TCEANC2: variants seen among roughly 807,000 people sequenced by gnomAD.
The protein encoded by TCEANC2 is transcription elongation factor A N-terminal and central domain-containing protein 2.
In TCEANC2, 20 loss-of-function variants were observed where a neutral mutation model predicts 22.8. That is an observed-to-expected ratio of 0.88 (90% confidence interval 0.62 to 1.28). TCEANC2 has a LOEUF of 1.28. Ranked by LOEUF, TCEANC2 falls within the 50% of genes most tolerant of loss-of-function variation. The pLI, the probability that TCEANC2 is intolerant of heterozygous loss-of-function variation, is 0.00. For synonymous variants in TCEANC2, 84 were observed against 95.5 expected (o/e 0.88, Z 0.70); for missense variants, 251 against 249.7 (o/e 1.01, Z -0.03).
At chr1:54,071,635 C>T (rs1658056933) in intron 3 of TCEANC2, among the ~76,000 whole-genome samples, 1 of 152,040 alleles carries the variant, frequency 6.6e-6, no homozygotes, top group African/African-American at 2.4e-5. Flanking sequence ...AGACCAACGC[C>T]GATACAGTTT....
rs569179457 is a variant in TCEANC2, at chr1:54,096,399, C to A, written c.553C>A (p.Arg185=). ...VRALVFTLKH[R]AEIRAQVKSG... is the part of the protein sequence containing the mutation. ...AGCCCTGGTCTTCACATTAAAGCAC[C>A]GAGCTGAAATCCGGGCTCAGGTGAA... Residue 185 remains arginine (R), a synonymous_variant, in exon 5 of 5, where the codon CGA becomes AGA. Transcript: ENST00000234827. The surrounding 1 kb of genome is among the most constrained non-coding windows in gnomAD (Gnocchi z 4.9). 2.5e-6 allele frequency: 4 copies of A among 1,613,598 alleles called. No homozygotes were observed. Among genetic ancestry groups the A allele is most frequent in the East Asian group, 2.2e-5 (1 of 44,862 alleles).
At chr1:54,090,831 G>T (rs910328832) in intron 4 of TCEANC2, among the ~76,000 whole-genome samples, 6 of 152,138 alleles carry the variant, frequency 3.9e-5, no homozygotes, top group Non-Finnish European at 5.9e-5. Flanking sequence ...TAATGTGGTG[G>T]TAAATACCAA....
At chr1:54,091,545 C>G (rs992464265) in intron 4 of TCEANC2, among the ~76,000 whole-genome samples, 6 of 152,194 alleles carry the variant, frequency 3.9e-5, no homozygotes, top group African/African-American at 9.6e-5. Flanking sequence ...TTGTTTCACT[C>G]ATATCCTTTA....
At chr1:54,054,635 T>C (rs1375152903) in intron 2 of TCEANC2, 111 bp downstream of exon 2, 10 of 1,106,016 alleles carry the variant, frequency 9.0e-6, no homozygotes, top group Admixed American at 2.8e-5. Flanking sequence ...TGCCTCCTCC[T>C]CAAAGTGTAC....
chr1:54,094,092 C>T (rs1379575684), intron 4 of TCEANC2, among the ~76,000 whole-genome samples: 8 of 152,302 alleles, frequency 5.3e-5, no homozygotes, highest in Admixed American at 2.6e-4. Context: ...CCACTCACTC[C>T]AGCACAAGCC....
At chr1:54,058,122 T>A (rs1238798592) in intron 2 of TCEANC2, among the ~76,000 whole-genome samples, 1 of 152,234 alleles carries the variant, frequency 6.6e-6, no homozygotes, top group African/African-American at 2.4e-5. Flanking sequence ...ATTATGAAAT[T>A]TGAGTGAGTC....
At chr1:54,094,394 G>C (rs563083571) in intron 4 of TCEANC2, among the ~76,000 whole-genome samples, 2 of 152,112 alleles carry the variant, frequency 1.3e-5, no homozygotes, top group Non-Finnish European at 2.9e-5. Context: ...TTGCACAGAA[G>C]AACAAACATA....
intron 2 of TCEANC2, among the ~76,000 whole-genome samples, chr1:54,058,145 G>A (rs1657787369): frequency 6.6e-6 from 1 of 152,170 alleles, no homozygotes; most frequent in African/African-American, 2.4e-5. Context: ...CATATGTAAA[G>A]TGTTTGGTAC....
intron 3 of TCEANC2, among the ~76,000 whole-genome samples, chr1:54,070,126 G>A (rs776393705): frequency 2.5e-4 from 38 of 152,124 alleles, no homozygotes; most frequent in Non-Finnish European, 4.6e-4. Flanking sequence ...TTGTACCCCT[G>A]TAATATAAAC....
chr1:54,074,230 G>A (rs1050108511), intron 3 of TCEANC2, among the ~76,000 whole-genome samples: 5 of 151,386 alleles, frequency 3.3e-5, no homozygotes. Context: ...TTGGGAGGCC[G>A]AGGCGGGTGG....
At chr1:54,084,585 G>A (rs775053189) in intron 3 of TCEANC2, among the ~76,000 whole-genome samples, 1 of 152,056 alleles carries the variant, frequency 6.6e-6, no homozygotes, top group African/African-American at 2.4e-5. Context: ...AAATGGGCCG[G>A]GCTCGGTGGC....
At chr1:54,091,484 C>T (rs1658446074) in intron 4 of TCEANC2, among the ~76,000 whole-genome samples, 1 of 152,112 alleles carries the variant, frequency 6.6e-6, no homozygotes, top group Admixed American at 6.5e-5. Flanking sequence ...TGTGTTATTG[C>T]AAATACCAAA....
chr1:54,103,766 G>C lies in TCEANC2; in HGVS notation c.*7293G>C, dbSNP rs1658700418. ...GCTATATTAAACCCTGTCTACCCTG[G>C]AAAGAGCTGTGATTCATTTTCACTG... On this transcript the variant is annotated 3_prime_UTR_variant, in exon 5 of 5. Coordinates refer to ENST00000234827, the MANE Select transcript of TCEANC2 (RefSeq NM_153035.3). 6.6e-6 allele frequency: 1 copy of C among 152,188 alleles called. No individual in the cohort carries two copies. The highest frequency in any genetic ancestry group is 1.5e-5 in the Non-Finnish European group (1 of 68,036). 9.4% of individuals were successfully genotyped at this position (152,188 alleles called of 1,614,324 possible).
intron 3 of TCEANC2, among the ~76,000 whole-genome samples, chr1:54,077,510 T>A (rs184043975): frequency 6.6e-6 from 1 of 152,308 alleles, no homozygotes; most frequent in African/African-American, 2.4e-5. Context: ...AGACCATTGA[T>A]ACTCCCTTTC....
At chr1:54,063,766 C>T (rs1232520234) in intron 2 of TCEANC2, among the ~76,000 whole-genome samples, 3 of 152,104 alleles carry the variant, frequency 2.0e-5, no homozygotes, top group African/African-American at 7.2e-5. Flanking sequence ...ATCTGTAATA[C>T]CTAATACAAT....
chr1:54,091,516 G>GA (rs929065855), intron 4 of TCEANC2, among the ~76,000 whole-genome samples: 8 of 151,774 alleles, frequency 5.3e-5, no homozygotes, highest in African/African-American at 1.5e-4. Flanking sequence ...CATTTTTGTA[G>GA]AAAAAAAATG....
rs1409597452 is a variant in TCEANC2, at chr1:54,053,671, T to C, written c.-130T>C. 1.3e-5 allele frequency: 2 copies of C among 158,356 alleles called. No individual in the cohort carries two copies. The highest frequency in any genetic ancestry group is 4.8e-5 in the African/African-American group (2 of 41,538). The allele number at this position is 158,356 out of a possible 1,614,324, so 9.8% of individuals were successfully genotyped here. ...ACCGCCCTGGGAGGAAGCGTCTGTTTAGTTTCAACACAGACGACTGGGCTT... is the reference window on the plus strand; with the variant it reads ...ACCGCCCTGGGAGGAAGCGTCTGTTCAGTTTCAACACAGACGACTGGGCTT... On this transcript the variant is annotated 5_prime_UTR_variant, in exon 1 of 5. Transcript: ENST00000234827.
chr1:54,096,459 A>T lies in TCEANC2; in HGVS notation c.613A>T (p.Thr205Ser). 6.2e-7 allele frequency: 1 copy of T among 1,603,232 alleles called. No individual in the cohort carries two copies. The highest frequency in any genetic ancestry group is 1.1e-5 in the South Asian group (1 of 90,824). The stretch of plus-strand genomic sequence containing the variant: ...GCTGCCAGTCGGCACGTTTGTACAG[A>T]CCCACAAAAAGTGACCTGAGGACGG... The part of the protein sequence containing the change: ...GSLPVGTFVQ[T>S]HKK Residue 205 changes from threonine (T) to serine (S), a missense_variant, in exon 5 of 5, where the codon ACC becomes TCC. By Grantham distance (58) the Thr-to-Ser change is moderately conservative. Transcript: ENST00000234827. This position sits in a 1 kb window ranked among gnomAD's most constrained non-coding sequence, Gnocchi z 4.9.
downstream of TCEANC2, among the ~76,000 whole-genome samples, chr1:54,110,743 T>G (rs1312064430): frequency 6.6e-6 from 1 of 152,160 alleles, no homozygotes; most frequent in African/African-American, 2.4e-5. Context: ...TCCATCTTTG[T>G]CCTACCCCTG....
Sources: gnomAD v4.1 joint callset for allele counts (sites outside exome capture counted in the v4.1 genomes callset) on GRCh38, gnomAD v4.1.1 for gene constraint, Gnocchi (gnomAD v3.1) non-coding constraint, MANE v1.5 for transcripts, NCBI Gene and HGNC (gene_info 2026-07-23, HGNC 2026-07-21) for gene names.